The following PCDH15 variants were observed in gnomAD, a reference collection of about 807,000 sequenced individuals.
PCDH15 encodes protocadherin related 15.
PCDH15 carries 129 observed loss-of-function variants against 178.5 expected under a neutral mutation model. The ratio of observed to expected loss-of-function variants is 0.72; its 90% confidence interval spans 0.63 to 0.84. The LOEUF (loss-of-function observed/expected upper bound fraction) is 0.84. Ranked by LOEUF, PCDH15 falls within the 40% of genes least tolerant of loss-of-function variation. The pLI, the probability that PCDH15 is intolerant of heterozygous loss-of-function variation, is 0.00. For missense variants in PCDH15, 2,230 were observed against 2,099.9 expected (o/e 1.06, Z -1.21); for synonymous variants, 800 against 732.0 (o/e 1.09, Z -1.50).
At chr10:55,357,399 C>T (rs963836931) in intron 2 of PCDH15, among the ~76,000 whole-genome samples, 1 of 151,812 alleles carries the variant, frequency 6.6e-6, no homozygotes, top group Non-Finnish European at 1.5e-5. Flanking sequence ...GAATACTACA[C>T]AGAATTAAAT....
intron 3 of PCDH15, among the ~76,000 whole-genome samples, chr10:54,886,624 T>C (rs1015232426): frequency 6.6e-6 from 1 of 152,162 alleles, no homozygotes; most frequent in Non-Finnish European, 1.5e-5. Flanking sequence ...TAGGCGGGTG[T>C]GGTGGCACAT....
chr10:55,346,693 CTT>C (rs112923658), intron 2 of PCDH15, among the ~76,000 whole-genome samples: 47 of 138,928 alleles, frequency 3.4e-4, no homozygotes, highest in Admixed American at 5.1e-4. Flanking sequence ...TATCTTTGGA[CTT>C]TTTTTTTTTT....
At chr10:55,357,783 T>G (rs934806478) in intron 2 of PCDH15, among the ~76,000 whole-genome samples, 1 of 152,060 alleles carries the variant, frequency 6.6e-6, no homozygotes, top group African/African-American at 2.4e-5. Flanking sequence ...GTGGTATTTG[T>G]CTGAGCTTTG....
chr10:54,114,316 C>A (rs1050849258), intron 15 of PCDH15, among the ~76,000 whole-genome samples: 2 of 152,140 alleles, frequency 1.3e-5, no homozygotes, highest in African/African-American at 4.8e-5. Flanking sequence ...AGATGGTTAT[C>A]ATAACTGTCT....
At chr10:55,538,592 T>C (rs112161166) in intron 2 of PCDH15, among the ~76,000 whole-genome samples, 98 of 43,538 alleles carry the variant, frequency 2.3e-3, no homozygotes, top group East Asian at 0.011. Flanking sequence ...CTTCCTTCCT[T>C]CCTTCCTTCC....
At chr10:54,080,550 GGTAA>G (rs2094421933) in intron 16 of PCDH15, among the ~76,000 whole-genome samples, 1 of 152,078 alleles carries the variant, frequency 6.6e-6, no homozygotes. Context: ...TTCATTTTAA[GGTAA>G]GTGCTTTTAT....
In PCDH15 at chr10:53,941,007, T is replaced by A. The variant is rs1334429323; in HGVS notation, c.3123-32A>T. ...GTTTAGAGAAGATGATGTATTTATT[T>A]TTAAATATAATTTTTGATGTAACTT... On this transcript the variant is annotated intron_variant, in intron 23 of 37. Transcript: ENST00000644397. 4.2e-6 allele frequency: 6 copies of A among 1,420,642 alleles called. No homozygotes were observed. In the South Asian group the frequency reaches 7.0e-5, roughly 17 times the overall value. 88.0% of individuals were successfully genotyped at this position (1,420,642 alleles called of 1,614,324 possible). A position where few individuals can be genotyped will look rare whatever the true frequency, so the allele number is the denominator to read the frequency against.
chr10:54,766,248 A>G (rs1948497040), intron 1 of PCDH15, among the ~76,000 whole-genome samples: 1 of 152,178 alleles, frequency 6.6e-6, no homozygotes, highest in Non-Finnish European at 1.5e-5. Context: ...ACAGCAGAGG[A>G]GAAATGATGA....
At chr10:54,477,253 G>A (rs1306605188) in intron 3 of PCDH15, among the ~76,000 whole-genome samples, 3 of 152,088 alleles carry the variant, frequency 2.0e-5, no homozygotes, top group African/African-American at 7.2e-5. Context: ...TTCTGAAAAT[G>A]TTCTCCCTTT....
rs1218302848 is a variant in PCDH15, at chr10:54,585,523, A to AT, written c.92-57647dup. ...ATAACAAGACTAAGAACAATTTTTA[A>AT]TTTTTTTTAACTTCATAGCTGTAGG... is the stretch of plus-strand genomic sequence containing the variant. On this transcript the variant is annotated intron_variant, in intron 2 of 37. Coordinates refer to ENST00000644397, the MANE Select transcript of PCDH15 (RefSeq NM_001384140.1). 33 of 246,146 alleles carry AT rather than the reference A, an allele frequency of 1.3e-4. 1 individual carries two copies. Among genetic ancestry groups the AT allele is most frequent in the East Asian group, 3.1e-4 (3 of 9,660 alleles). The allele number at this position is 246,146 out of a possible 1,614,324, so 15.2% of individuals were successfully genotyped here. A position where few individuals can be genotyped will look rare whatever the true frequency, so the allele number is the denominator to read the frequency against.
chr10:54,593,318 A>C (rs1472902142), intron 2 of PCDH15, among the ~76,000 whole-genome samples: 1 of 152,104 alleles, frequency 6.6e-6, no homozygotes. Context: ...TCTTATGTTT[A>C]TGTCTTTAAT....
At chr10:55,294,821 A>T (rs11815115) in intron 1 of PCDH15, among the ~76,000 whole-genome samples, 24,869 of 152,170 alleles carry the variant, frequency 0.16, 3,477 homozygotes, top group African/African-American at 0.38. Flanking sequence ...TCAATTCTGC[A>T]TTTGAGTAAT....
At chr10:55,365,356 C>A (rs1182974627) in intron 2 of PCDH15, among the ~76,000 whole-genome samples, 1 of 152,134 alleles carries the variant, frequency 6.6e-6, no homozygotes, top group Non-Finnish European at 1.5e-5. Context: ...CTGTCCTTCT[C>A]CTTTCCCCTT....
chr10:54,385,149 C>A (rs530268170), intron 3 of PCDH15, among the ~76,000 whole-genome samples: 3 of 152,012 alleles, frequency 2.0e-5, no homozygotes, highest in African/African-American at 7.2e-5. Flanking sequence ...ATATTTAAAA[C>A]CTTTTATTCC....
At chr10:53,828,042 AT>A (rs2076797976) in intron 31 of PCDH15, among the ~76,000 whole-genome samples, 1 of 151,916 alleles carries the variant, frequency 6.6e-6, no homozygotes, top group South Asian at 2.1e-4. Context: ...ATCCTTTAAG[AT>A]TCCTAGGAAT....
chr10:55,589,469 T>TA (rs1269529017), intron 2 of PCDH15, among the ~76,000 whole-genome samples: 1 of 152,006 alleles, frequency 6.6e-6, no homozygotes, highest in East Asian at 1.9e-4. Context: ...AAATGGGATC[T>TA]AATTAAACTA....
intron 1 of PCDH15, among the ~76,000 whole-genome samples, chr10:55,182,846 T>C (rs764936910): frequency 3.9e-5 from 6 of 151,964 alleles, no homozygotes; most frequent in Non-Finnish European, 5.9e-5. Flanking sequence ...TAGCAAGACC[T>C]TGTGACAAAG....
chr10:54,049,915 A>C (rs2093732096), intron 18 of PCDH15, among the ~76,000 whole-genome samples: 2 of 152,084 alleles, frequency 1.3e-5, no homozygotes, highest in African/African-American at 4.8e-5. Context: ...CATGGTGCCC[A>C]GCTTTGTCAT....
intron 1 of PCDH15, among the ~76,000 whole-genome samples, chr10:55,314,445 T>C (rs1843670777): frequency 2.6e-5 from 4 of 152,138 alleles, no homozygotes; most frequent in Admixed American, 1.3e-4. Flanking sequence ...ACCCTGGCTC[T>C]CATCATAATG....
Sources: gnomAD v4.1 joint callset for allele counts (sites outside exome capture counted in the v4.1 genomes callset) on GRCh38, gnomAD v4.1.1 for gene constraint, MANE v1.5 for transcripts, NCBI Gene and HGNC (gene_info 2026-07-23, HGNC 2026-07-21) for gene names.